The following TMEM132B variants were observed in gnomAD, a reference collection of about 807,000 sequenced individuals.
TMEM132B encodes the protein transmembrane protein 132B.
Under a neutral mutation model 90.8 loss-of-function variants are expected in TMEM132B, and 18 were observed. The ratio of observed to expected loss-of-function variants is 0.20; its 90% CI spans 0.14 to 0.29. The LOEUF is 0.29. Ranked by LOEUF, TMEM132B falls within the 10% of genes least tolerant of loss-of-function variation. TMEM132B has a pLI of 1.00. For synonymous variants in TMEM132B, 504 were observed against 523.3 expected (o/e 0.96, Z 0.50); for missense variants, 1,096 against 1,326.8 (o/e 0.83, Z 2.70).
chr12:125,430,569 G>A (rs1284489251), intron 3 of TMEM132B, among the ~76,000 whole-genome samples: 1 of 152,190 alleles, frequency 6.6e-6, no homozygotes, highest in East Asian at 1.9e-4. Context: ...GGGTTGGTAG[G>A]TTGATGGCCT....
intron 2 of TMEM132B, among the ~76,000 whole-genome samples, chr12:125,387,116 A>G (rs1356789802): frequency 8.2e-6 from 1 of 122,410 alleles, no homozygotes; most frequent in Admixed American, 1.1e-4. Context: ...GAAGTCTTCT[A>G]TCTTAAAAGT....
intron 1 of TMEM132B, among the ~76,000 whole-genome samples, chr12:125,329,575 A>C (rs1876701400): frequency 6.6e-6 from 1 of 152,144 alleles, no homozygotes; most frequent in African/African-American, 2.4e-5. Flanking sequence ...ATAAGGTCTG[A>C]GTGGCTTTTG....
At chr12:125,299,666 T>C (rs1178186831) in intron 1 of TMEM132B, among the ~76,000 whole-genome samples, 1 of 152,190 alleles carries the variant, frequency 6.6e-6, no homozygotes, top group East Asian at 1.9e-4. Flanking sequence ...GGGGCCACCC[T>C]TGTCACCGCT....
In TMEM132B at chr12:125,326,625, T is replaced by A. The variant is rs764602788; in HGVS notation, c.68-22827T>A. 4.8e-5 allele frequency: 77 copies of A among 1,606,802 alleles called. No homozygotes were observed. The Admixed American group carries it at 1.3e-3, about 26-fold the overall frequency. ...CCTCAGCTCCAGACTCTACGGGAAA[T>A]GTTTGGTGCAGCATCCAGAATGGAC... On this transcript the variant is annotated intron_variant, in intron 1 of 8. Coordinates refer to ENST00000682704, the MANE Select transcript of TMEM132B (RefSeq NM_001366854.1).
chr12:125,553,615 C>T (rs1387214191), intron 4 of TMEM132B, among the ~76,000 whole-genome samples: 1 of 152,144 alleles, frequency 6.6e-6, no homozygotes, highest in African/African-American at 2.4e-5. Flanking sequence ...AGACTCATCC[C>T]AGAAGCTATG....
intron 4 of TMEM132B, among the ~76,000 whole-genome samples, chr12:125,555,024 A>G (rs1207511932): frequency 2.0e-5 from 3 of 152,214 alleles, no homozygotes; most frequent in African/African-American, 7.2e-5. Context: ...ACAACCAGTC[A>G]CCAAGAGAAT....
chr12:125,311,949 T>A (rs1037732145), intron 1 of TMEM132B, among the ~76,000 whole-genome samples: 4 of 152,192 alleles, frequency 2.6e-5, no homozygotes, highest in Non-Finnish European at 5.9e-5. Flanking sequence ...GTACATGGCA[T>A]AAAGGAGTGA....
At chr12:125,616,001 A>G (rs1338759793) in intron 5 of TMEM132B, among the ~76,000 whole-genome samples, 2 of 152,156 alleles carry the variant, frequency 1.3e-5, no homozygotes, top group Non-Finnish European at 2.9e-5. Flanking sequence ...TGCAGGTTAC[A>G]TATGTATACA....
At chr12:125,595,243 C>A (rs985774988) in intron 5 of TMEM132B, among the ~76,000 whole-genome samples, 2 of 152,172 alleles carry the variant, frequency 1.3e-5, no homozygotes, top group Non-Finnish European at 2.9e-5. Context: ...TTCTTCCCGT[C>A]ACTAGCACTG....
chr12:125,354,365 C>T (rs1411487893), intron 2 of TMEM132B, among the ~76,000 whole-genome samples: 1 of 152,074 alleles, frequency 6.6e-6, no homozygotes, highest in Non-Finnish European at 1.5e-5. Context: ...TTTTATATAC[C>T]ATTTTCTTTG....
chr12:125,303,210 A>G (rs1043266158), intron 1 of TMEM132B, among the ~76,000 whole-genome samples: 6 of 152,094 alleles, frequency 3.9e-5, no homozygotes, highest in African/African-American at 9.7e-5. Flanking sequence ...AACTTTGCCT[A>G]TTCTAGATAT....
intron 1 of TMEM132B, among the ~76,000 whole-genome samples, chr12:125,267,214 C>A (rs1874716711): frequency 6.6e-6 from 1 of 152,158 alleles, no homozygotes; most frequent in Non-Finnish European, 1.5e-5. Flanking sequence ...GGGTTTCCAT[C>A]TCTTTGCTCT....
intron 2 of TMEM132B, among the ~76,000 whole-genome samples, chr12:125,386,637 A>G (rs1034989647): frequency 2.0e-5 from 3 of 152,246 alleles, no homozygotes; most frequent in Admixed American, 1.3e-4. Context: ...AGCAGGCTGA[A>G]TAAAGTAAGA....
chr12:125,452,602 T>C (rs974148258), intron 3 of TMEM132B, among the ~76,000 whole-genome samples: 1 of 152,210 alleles, frequency 6.6e-6, no homozygotes, highest in Non-Finnish European at 1.5e-5. Context: ...CAGTGATGCA[T>C]AGGAGTTCTC....
rs767645926 is a variant in TMEM132B, at chr12:125,411,139, GGAGT to G, written c.960-4386_960-4383del. On this transcript the variant is annotated intron_variant, in intron 2 of 8. Transcript: ENST00000682704. ...TGGAGTGGAGTGGAGTGAGTGGAGT[GGAGT>G]GAGTGGAGTGGAGGAGTGGAGTGGA... is the stretch of plus-strand genomic sequence containing the variant. Among the ~76,000 whole-genome samples, 57 of 36,192 alleles carry G rather than the reference GGAGT, an allele frequency of 1.6e-3. 3 individuals are homozygous for G. Among genetic ancestry groups the G allele is most frequent in the Middle Eastern group, 0.017 (1 of 60 alleles). 23.7% of individuals were successfully genotyped at this position (36,192 alleles called of 152,430 possible). A position where few individuals can be genotyped will look rare whatever the true frequency, so the allele number is the denominator to read the frequency against.
chr12:125,354,579 T>C (rs1448895048), intron 2 of TMEM132B, among the ~76,000 whole-genome samples: 5 of 152,214 alleles, frequency 3.3e-5, no homozygotes, highest in Non-Finnish European at 7.3e-5. Context: ...TAAAAAAGGA[T>C]GCAATGCTAA....
At chr12:125,457,275 C>A (rs1881317241) in intron 3 of TMEM132B, among the ~76,000 whole-genome samples, 1 of 152,088 alleles carries the variant, frequency 6.6e-6, no homozygotes, top group African/African-American at 2.4e-5. Context: ...GTCTTTTTTT[C>A]TCCTGATTTT....
At chr12:125,317,090 C>T (rs1317287315) in intron 1 of TMEM132B, among the ~76,000 whole-genome samples, 1 of 152,066 alleles carries the variant, frequency 6.6e-6, no homozygotes, top group Non-Finnish European at 1.5e-5. Context: ...GGGACAGAAC[C>T]CCTTGTTATC....
intron 5 of TMEM132B, among the ~76,000 whole-genome samples, chr12:125,620,485 A>G (rs1307682683): frequency 1.3e-5 from 2 of 152,178 alleles, no homozygotes; most frequent in South Asian, 2.1e-4. Flanking sequence ...CCCACAAAAT[A>G]TGCATATTAT....
Sources: gnomAD v4.1 joint callset for allele counts (sites outside exome capture counted in the v4.1 genomes callset) on GRCh38, gnomAD v4.1.1 for gene constraint, MANE v1.5 for transcripts, NCBI Gene and HGNC (gene_info 2026-07-23, HGNC 2026-07-21) for gene names.